HPSE2: variants seen among roughly 807,000 people sequenced by gnomAD.
HPSE2 encodes the protein inactive heparanase-2.
Under a neutral mutation model 60.5 loss-of-function variants are expected in HPSE2, and 38 were observed. The observed-to-expected ratio is 0.63, with a 90% CI of 0.48 to 0.82. The LOEUF (loss-of-function observed/expected upper bound fraction) is 0.82. Ranked by LOEUF, HPSE2 falls within the 40% of genes least tolerant of loss-of-function variation. The pLI, the probability that HPSE2 is intolerant of heterozygous loss-of-function variation, is 0.00. For synonymous variants in HPSE2, 295 were observed against 293.2 expected (o/e 1.01, Z -0.06); for missense variants, 713 against 740.4 (o/e 0.96, Z 0.43).
chr10:98,878,594 T>C (rs1157148096), intron 3 of HPSE2, among the ~76,000 whole-genome samples: 2 of 151,916 alleles, frequency 1.3e-5, no homozygotes, highest in Non-Finnish European at 2.9e-5. Context: ...TTTAGTTTGA[T>C]TAGAATGAAA....
At chr10:98,482,200 A>G (rs1402513310) in intron 11 of HPSE2, among the ~76,000 whole-genome samples, 1 of 152,080 alleles carries the variant, frequency 6.6e-6, no homozygotes, top group Non-Finnish European at 1.5e-5. Context: ...AGGTTAATAG[A>G]TGGTAACAAC....
intron 4 of HPSE2, among the ~76,000 whole-genome samples, chr10:98,727,421 C>A (rs1949114565): frequency 6.6e-6 from 1 of 152,098 alleles, no homozygotes; most frequent in South Asian, 2.1e-4. Context: ...GAGGCCAAGG[C>A]AGATGGATCA....
chr10:98,767,862 ATG>A (rs1950158664), intron 3 of HPSE2, among the ~76,000 whole-genome samples: 1 of 146,666 alleles, frequency 6.8e-6, no homozygotes, highest in South Asian at 2.1e-4. Flanking sequence ...TGAAAGACAT[ATG>A]TTCTATATAA....
At chr10:98,652,504 C>T (rs754115409) in intron 6 of HPSE2, among the ~76,000 whole-genome samples, 3 of 152,216 alleles carry the variant, frequency 2.0e-5, no homozygotes, top group Non-Finnish European at 4.4e-5. Context: ...TCCAATCCTA[C>T]CTTGGTCAGT....
intron 6 of HPSE2, among the ~76,000 whole-genome samples, chr10:98,669,995 C>T (rs971016852): frequency 1.3e-5 from 2 of 152,102 alleles, no homozygotes; most frequent in African/African-American, 4.8e-5. Flanking sequence ...GGGGCAGAGT[C>T]CTGAAAGAAA....
chr10:98,994,689 C>T (rs547657763), intron 3 of HPSE2, among the ~76,000 whole-genome samples: 2 of 152,170 alleles, frequency 1.3e-5, no homozygotes, highest in Admixed American at 1.3e-4. Flanking sequence ...TCTCAGGTCC[C>T]TTGGTGATGG....
Position 99,170,307 on chromosome 10 carries a change from T to C in HPSE2, c.449-25908A>G, listed in dbSNP as rs147054804. Among the ~76,000 whole-genome samples the C allele has an allele frequency of 5.5e-3, 834 of 152,304 alleles. 8 individuals are homozygous for C. The highest frequency in any genetic ancestry group is 0.019 in the African/African-American group (789 of 41,570). On this transcript the variant is annotated intron_variant, in intron 2 of 11. Coordinates refer to ENST00000370552, the MANE Select transcript of HPSE2 (RefSeq NM_021828.5). ...GTATTTTTAGCCACTTCTAAATGTA[T>C]GCAAATATATATGGATACTTGGCAG...
intron 4 of HPSE2, among the ~76,000 whole-genome samples, chr10:98,728,554 G>T (rs1271369768): frequency 1.3e-5 from 2 of 152,098 alleles, no homozygotes; most frequent in Non-Finnish European, 2.9e-5. Flanking sequence ...GGAGGCAGAG[G>T]TTGCAGTAAG....
intron 3 of HPSE2, among the ~76,000 whole-genome samples, chr10:98,977,534 G>T (rs1016659717): frequency 1.3e-5 from 2 of 152,094 alleles, no homozygotes; most frequent in African/African-American, 4.8e-5. Context: ...GTGGGAAAAT[G>T]GGATTCATTG....
In HPSE2 at chr10:99,105,037, T is replaced by G. The variant is rs1011419424; in HGVS notation, c.610+39201A>C. Among the ~76,000 whole-genome samples the G allele has an allele frequency of 5.4e-5, 8 of 147,006 alleles. No individual in the cohort carries two copies. The Admixed American group carries it at 5.5e-4, about 10-fold the overall frequency. On this transcript the variant is annotated intron_variant, in intron 3 of 11. Coordinates refer to ENST00000370552, the MANE Select transcript of HPSE2 (RefSeq NM_021828.5). ...GTAACAAACCTGCATATTGTGCACA[T>G]GTACCCTAGAACTTAAAATATAATA...
intron 3 of HPSE2, among the ~76,000 whole-genome samples, chr10:98,868,412 T>C (rs753337170): frequency 1.3e-5 from 2 of 151,846 alleles, no homozygotes; most frequent in African/African-American, 2.4e-5. Flanking sequence ...ATAAAAAAAA[T>C]AGAATGAACA....
intron 2 of HPSE2, among the ~76,000 whole-genome samples, chr10:99,215,885 G>A (rs1468274680): frequency 6.6e-6 from 1 of 152,214 alleles, no homozygotes; most frequent in African/African-American, 2.4e-5. Flanking sequence ...TAAATGGTAT[G>A]TGCATTGTAT....
At chr10:98,951,269 T>C (rs1955349225) in intron 3 of HPSE2, among the ~76,000 whole-genome samples, 1 of 152,306 alleles carries the variant, frequency 6.6e-6, no homozygotes, top group South Asian at 2.1e-4. Flanking sequence ...CAAAAGTATT[T>C]TTATCTTAGT....
intron 9 of HPSE2, among the ~76,000 whole-genome samples, chr10:98,604,084 A>G (rs1177972321): frequency 6.6e-6 from 1 of 152,192 alleles, no homozygotes; most frequent in Non-Finnish European, 1.5e-5. Context: ...TTTACCTGAT[A>G]CATCACAGCT....
chr10:99,083,072 G>A (rs1444533538), intron 3 of HPSE2, among the ~76,000 whole-genome samples: 1 of 152,160 alleles, frequency 6.6e-6, no homozygotes, highest in African/African-American at 2.4e-5. Context: ...GAGGAATAAA[G>A]TTTTAGGAAA....
the HPSE2 span, among the ~76,000 whole-genome samples, chr10:99,277,709 CA>C: frequency 6.6e-6 from 1 of 152,014 alleles, no homozygotes; most frequent in African/African-American, 2.4e-5. Flanking sequence ...ATGTCATATG[CA>C]CAATACAGTA....
rs543621589 is a variant in HPSE2 at position 98,490,200 on chromosome 10, A to T, written c.1321-4T>A. ...AGAGGAGAGAGAGCCAGTAGTCCTG[A>T]GGAGAATAGAGAGGGAGAGGGTCAG... is the stretch of plus-strand genomic sequence containing the variant. On this transcript the variant is annotated splice_polypyrimidine_tract_variant and splice_region_variant and intron_variant, in intron 9 of 11. Coordinates refer to ENST00000370552, the MANE Select transcript of HPSE2 (RefSeq NM_021828.5). 35 of 1,614,032 alleles carry T rather than the reference A, an allele frequency of 2.2e-5. No homozygotes were observed. In the Admixed American group the frequency reaches 4.2e-4, roughly 19 times the overall value.
chr10:98,960,929 C>T lies in HPSE2; in HGVS notation c.610+183309G>A, dbSNP rs1452744412. 3.3e-5 allele frequency among the ~76,000 whole-genome samples: 3 copies of T among 91,468 alleles called. No homozygotes were observed. In the Admixed American group the frequency reaches 4.4e-4, roughly 13 times the overall value. The allele number at this position is 91,468 out of a possible 152,430, so 60.0% of individuals were successfully genotyped here. ...ACCACAGTCCCCAGAGTGTGATATT[C>T]CCCTTCCTGTGTCCATGTGATCTCA... is the stretch of plus-strand genomic sequence containing the variant. On this transcript the variant is annotated intron_variant, in intron 3 of 11. Transcript: ENST00000370552.
the HPSE2 span, among the ~76,000 whole-genome samples, chr10:99,241,829 A>G: frequency 1.3e-5 from 2 of 152,228 alleles, no homozygotes; most frequent in East Asian, 3.8e-4. Flanking sequence ...TGTCTCCCAC[A>G]CGTGCCACAA....
Sources: allele counts gnomAD v4.1 joint callset (sites outside exome capture counted in the v4.1 genomes callset), GRCh38; gene constraint gnomAD v4.1.1; transcripts MANE v1.5; gene names NCBI Gene and HGNC (gene_info 2026-07-23, HGNC 2026-07-21).